The following ERI1 variants were observed in gnomAD, a reference collection of about 807,000 sequenced individuals.
ERI1 encodes exoribonuclease 1.
ERI1 carries 39 observed loss-of-function variants against 39.7 expected under a neutral mutation model. The observed-to-expected ratio is 0.98, with a 90% CI of 0.76 to 1.28. ERI1 has a LOEUF of 1.28. Ranked by LOEUF, ERI1 falls within the 50% of genes most tolerant of loss-of-function variation. The pLI, the probability that ERI1 is intolerant of heterozygous loss-of-function variation, is 0.00. For synonymous variants in ERI1, 204 were observed against 149.6 expected, an observed-to-expected ratio of 1.36 and a Z score of -2.65; for missense variants, 581 against 416.9, an observed-to-expected ratio of 1.39 and a Z score of -3.43.
intron 3 of ERI1, among the ~76,000 whole-genome samples, chr8:9,054,481 C>T (rs1369020371): frequency 6.6e-6 from 1 of 152,174 alleles, no homozygotes; most frequent in Non-Finnish European, 1.5e-5. Context: ...ACGGCTGACA[C>T]CCCTACAACA....
At chr8:9,051,377 C>T (rs1277759778) in intron 3 of ERI1, among the ~76,000 whole-genome samples, 1 of 151,902 alleles carries the variant, frequency 6.6e-6, no homozygotes, top group Non-Finnish European at 1.5e-5. Context: ...TGACTAAGGG[C>T]TGGGCGTGGT....
intron 3 of ERI1, among the ~76,000 whole-genome samples, chr8:9,085,136 C>T (rs1468233846): frequency 6.6e-6 from 1 of 152,196 alleles, no homozygotes; most frequent in Non-Finnish European, 1.5e-5. Context: ...TTTACATCAG[C>T]AAATTCCAGC....
chr8:9,071,208 C>T (rs1363665605), intron 3 of ERI1, among the ~76,000 whole-genome samples: 1 of 152,208 alleles, frequency 6.6e-6, no homozygotes, highest in Non-Finnish European at 1.5e-5. Flanking sequence ...AGACAGACAT[C>T]TACGAGGTCA....
intron 3 of ERI1, among the ~76,000 whole-genome samples, chr8:9,085,503 C>T (rs911757806): frequency 7.2e-5 from 11 of 151,958 alleles, no homozygotes; most frequent in African/African-American, 1.7e-4. Context: ...CCACCGCGCC[C>T]GGCCCTACCA....
chr8:9,004,181 C>T, intron 1 of ERI1: 2 of 1,288,588 alleles, frequency 1.6e-6, no homozygotes, highest in Non-Finnish European at 2.0e-6. Flanking sequence ...TTGCAATTAT[C>T]TTTCTCCTTC....
chr8:9,087,685 T>C (rs1799574935), intron 3 of ERI1, among the ~76,000 whole-genome samples: 1 of 152,234 alleles, frequency 6.6e-6, no homozygotes, highest in African/African-American at 2.4e-5. Context: ...CACATTTCAA[T>C]AGATAAATTT....
intron 3 of ERI1, among the ~76,000 whole-genome samples, chr8:9,042,393 G>C (rs890953860): frequency 2.6e-5 from 4 of 152,248 alleles, no homozygotes; most frequent in South Asian, 2.1e-4. Context: ...GGTGTCACCA[G>C]CGTTTTAAAT....
rs143260782 is a variant in ERI1 at position 9,048,590 on chromosome 8, G to T, written n.299+28126G>T. The T allele has an allele frequency of 3.1e-4, 47 of 153,492 alleles. No homozygotes were observed. The East Asian group carries it at 8.7e-3, about 28-fold the overall frequency. The allele number at this position is 153,492 out of a possible 1,614,324, so 9.5% of individuals were successfully genotyped here. The stretch of plus-strand genomic sequence containing the variant: ...AGCAGATAACAGCTGATGTGTGAAG[G>T]AGGCAGGGAAGGACATGGGGAAAAG... On this transcript the variant is annotated intron_variant and non_coding_transcript_variant, in intron 3 of 3. Coordinates refer to the ERI1 transcript ENST00000518663.
intron 6 of ERI1, among the ~76,000 whole-genome samples, chr8:9,026,216 A>G (rs1818459393): frequency 6.6e-6 from 1 of 152,182 alleles, no homozygotes; most frequent in Non-Finnish European, 1.5e-5. Flanking sequence ...GGTTTTTGGG[A>G]TTAGGAATGC....
At chr8:9,077,311 T>C (rs1312665407) in intron 3 of ERI1, among the ~76,000 whole-genome samples, 1 of 152,210 alleles carries the variant, frequency 6.6e-6, no homozygotes, top group Admixed American at 6.5e-5. Flanking sequence ...ACCTGTTTCA[T>C]GAAACCTATG....
intron 3 of ERI1, among the ~76,000 whole-genome samples, chr8:9,051,514 G>C (rs1798354515): frequency 6.6e-6 from 1 of 151,990 alleles, no homozygotes; most frequent in African/African-American, 2.4e-5. Flanking sequence ...AAAATAAGCA[G>C]GGCATGGTAG....
At chr8:9,004,975 C>T (rs1357854472) in intron 1 of ERI1, among the ~76,000 whole-genome samples, 2 of 152,158 alleles carry the variant, frequency 1.3e-5, no homozygotes, top group Admixed American at 6.5e-5. Flanking sequence ...GGCAATGAGC[C>T]ACTGCGCCTG....
At chr8:9,009,237 G>C in intron 2 of ERI1, 2 of 341,514 alleles carry the variant, frequency 5.9e-6, no homozygotes, top group South Asian at 4.5e-5. Context: ...TCCCCACTTT[G>C]GCAATCTCAG....
intron 3 of ERI1, among the ~76,000 whole-genome samples, chr8:9,039,406 A>G (rs555575170): frequency 6.6e-6 from 1 of 152,204 alleles, no homozygotes; most frequent in Non-Finnish European, 1.5e-5. Context: ...ACTTTGTCAG[A>G]AAAAGGTCTG....
chr8:9,089,420 T>G (rs914879593), intron 3 of ERI1, among the ~76,000 whole-genome samples: 1 of 152,338 alleles, frequency 6.6e-6, no homozygotes, highest in African/African-American at 2.4e-5. Context: ...CTCTTTCCAG[T>G]GGGGAACTTA....
intron 6 of ERI1, among the ~76,000 whole-genome samples, chr8:9,022,165 TCATA>T (rs1016768948): frequency 1.3e-4 from 20 of 152,238 alleles, no homozygotes; most frequent in Admixed American, 5.2e-4. Context: ...TCTGATATTG[TCATA>T]CATTTTAAAT....
At chr8:9,059,795 G>C (rs1043672933) in intron 3 of ERI1, among the ~76,000 whole-genome samples, 1 of 152,136 alleles carries the variant, frequency 6.6e-6, no homozygotes, top group East Asian at 1.9e-4. Flanking sequence ...AGTGTGAACC[G>C]GCAGTGTAAA....
At chr8:9,007,676 G>A (rs1005556758) in intron 1 of ERI1, among the ~76,000 whole-genome samples, 1 of 152,164 alleles carries the variant, frequency 6.6e-6, no homozygotes, top group African/African-American at 2.4e-5. Context: ...TAAATAGTCA[G>A]CTGGGGTTCT....
rs753348302 is a variant in ERI1 at position 9,029,862 on chromosome 8, A to T, written c.878A>T (p.His293Leu). Residue 293 changes from histidine to leucine, a missense_variant, in exon 7 of 7, where the codon CAC (histidine) becomes CTC (leucine). His to Leu is a moderately conservative substitution (Grantham distance 99). Transcript: ENST00000250263. Reference sequence around the variant, plus strand: ...GGAATGGATTATGATGGGCGGCCTCACTGTGGTCTTGATGACTCTAAGAAT... The same window carrying T: ...GGAATGGATTATGATGGGCGGCCTCTCTGTGGTCTTGATGACTCTAAGAAT... The part of the protein sequence containing the change: ...KLGMDYDGRP[H>L]CGLDDSKNIA... 1 of 1,614,080 alleles carries T rather than the reference A, an allele frequency of 6.2e-7. No homozygotes were observed. The highest frequency in any genetic ancestry group is 8.5e-7 in the Non-Finnish European group (1 of 1,180,038).
Sources: gnomAD v4.1 joint callset for allele counts (sites outside exome capture counted in the v4.1 genomes callset) on GRCh38, gnomAD v4.1.1 for gene constraint, MANE v1.5 for transcripts, NCBI Gene and HGNC (gene_info 2026-07-23, HGNC 2026-07-21) for gene names.